The following TMEM178B variants were observed in gnomAD, a reference collection of about 807,000 sequenced individuals.
The protein encoded by TMEM178B is transmembrane protein 178B.
Under a neutral mutation model 31.0 loss-of-function variants are expected in TMEM178B, and 5 were observed. That is an observed-to-expected ratio of 0.16 (90% CI 0.08 to 0.34). TMEM178B has a LOEUF of 0.34. Among genes scored for constraint, TMEM178B ranks in the 10% least tolerant of loss-of-function variants. The pLI, the probability that TMEM178B is intolerant of heterozygous loss-of-function variation, is 1.00. For missense variants in TMEM178B, 275 were observed against 400.3 expected (o/e 0.69, Z 2.67); for synonymous variants, 164 against 164.0 (o/e 1.00, Z 0.00).
chr7:141,500,697 C>T, the TMEM178B span, among the ~76,000 whole-genome samples: 1 of 152,152 alleles, frequency 6.6e-6, no homozygotes, highest in Non-Finnish European at 1.5e-5. Context: ...AGCTGGCCAG[C>T]CAAATTTAGT....
rs1015280522 is a variant in TMEM178B, at chr7:141,117,746, A to G, written c.382+43054A>G. 5.9e-5 allele frequency among the ~76,000 whole-genome samples: 9 copies of G among 152,198 alleles called. No homozygotes were observed. The East Asian group carries it at 1.2e-3, about 20-fold the overall frequency. ...TGCATATGGCTAGCCAGTTTTCCCA[A>G]TACCATTTATTAAATAGGGAATCCT... On this transcript the variant is annotated intron_variant, in intron 1 of 3. Transcript: ENST00000565468.
At chr7:141,381,046 A>G (rs1008623810) in intron 2 of TMEM178B, among the ~76,000 whole-genome samples, 1 of 152,214 alleles carries the variant, frequency 6.6e-6, no homozygotes, top group African/African-American at 2.4e-5. Context: ...CTGCCTACAC[A>G]GCATATTTTG....
intron 2 of TMEM178B, among the ~76,000 whole-genome samples, chr7:141,228,048 A>ACG (rs1264278153): frequency 6.6e-6 from 1 of 152,202 alleles, no homozygotes; most frequent in African/African-American, 2.4e-5. Context: ...GTACACACAC[A>ACG]CACACACACA....
chr7:141,108,317 G>GCATGGGATTTTC (rs1359748622), intron 1 of TMEM178B, among the ~76,000 whole-genome samples: 1 of 152,186 alleles, frequency 6.6e-6, no homozygotes, highest in Non-Finnish European at 1.5e-5. Context: ...AGGAAAATTT[G>GCATGGGATTTTC]CTGATATGGG....
At chr7:141,302,497 A>G (rs1303397487) in intron 2 of TMEM178B, among the ~76,000 whole-genome samples, 1 of 152,202 alleles carries the variant, frequency 6.6e-6, no homozygotes, top group Admixed American at 6.6e-5. Flanking sequence ...GCTGGGGGAA[A>G]GAGGGAATGG....
the TMEM178B span, among the ~76,000 whole-genome samples, chr7:141,496,663 C>G: frequency 1.7e-5 from 2 of 115,940 alleles, no homozygotes; most frequent in African/African-American, 5.1e-5. Flanking sequence ...GAGCGAGACT[C>G]CGTCTCAAAA....
At chr7:141,107,611 C>T (rs1049461427) in intron 1 of TMEM178B, among the ~76,000 whole-genome samples, 2 of 152,160 alleles carry the variant, frequency 1.3e-5, no homozygotes, top group African/African-American at 4.8e-5. Context: ...CATCAAGTAA[C>T]ATGGGCATTG....
At chr7:141,246,440 TA>T (rs1206319043) in intron 2 of TMEM178B, among the ~76,000 whole-genome samples, 1 of 152,184 alleles carries the variant, frequency 6.6e-6, no homozygotes, top group African/African-American at 2.4e-5. Flanking sequence ...GTCCATCCTC[TA>T]GGGGGTTGTA....
intron 2 of TMEM178B, among the ~76,000 whole-genome samples, chr7:141,389,296 T>A (rs1162857127): frequency 6.6e-6 from 1 of 152,236 alleles, no homozygotes; most frequent in Non-Finnish European, 1.5e-5. Context: ...AAAGGGTATC[T>A]GTTCTCTATT....
chr7:141,277,538 A>C (rs1049383568), intron 2 of TMEM178B, among the ~76,000 whole-genome samples: 1 of 152,106 alleles, frequency 6.6e-6, no homozygotes, highest in Non-Finnish European at 1.5e-5. Flanking sequence ...TTTACAGTTA[A>C]CTTTGTTTTC....
chr7:141,464,867 A>T (rs1356842795), intron 3 of TMEM178B, among the ~76,000 whole-genome samples: 1 of 152,154 alleles, frequency 6.6e-6, no homozygotes, highest in Non-Finnish European at 1.5e-5. Flanking sequence ...GGCACTGCTT[A>T]CAGCCAGTGT....
At chr7:141,379,418 G>A (rs989450755) in intron 2 of TMEM178B, among the ~76,000 whole-genome samples, 6 of 152,144 alleles carry the variant, frequency 3.9e-5, no homozygotes, top group African/African-American at 1.2e-4. Flanking sequence ...TCAGGAGGCC[G>A]AAGCCGCAGT....
intron 2 of TMEM178B, among the ~76,000 whole-genome samples, chr7:141,281,277 C>T (rs919754898): frequency 3.3e-5 from 5 of 152,158 alleles, no homozygotes; most frequent in African/African-American, 1.2e-4. Flanking sequence ...GATAGGCTTG[C>T]TCTTCTGGTG....
At chr7:141,431,673 G>T (rs986021158) in intron 2 of TMEM178B, among the ~76,000 whole-genome samples, 3 of 152,102 alleles carry the variant, frequency 2.0e-5, no homozygotes, top group Non-Finnish European at 4.4e-5. Context: ...CTTTCCAGGG[G>T]GATTATTCTT....
At chr7:141,152,563 T>G (rs1010832592) in intron 1 of TMEM178B, among the ~76,000 whole-genome samples, 1 of 152,242 alleles carries the variant, frequency 6.6e-6, no homozygotes, top group Non-Finnish European at 1.5e-5. Context: ...CTGACTGGGA[T>G]ACTTAGGAGG....
chr7:141,320,699 T>G (rs1799083042), intron 2 of TMEM178B, among the ~76,000 whole-genome samples: 1 of 152,232 alleles, frequency 6.6e-6, no homozygotes. Flanking sequence ...TGTTAAGTAT[T>G]TTGGATATTG....
At chr7:141,343,726 T>G (rs1204159320) in intron 2 of TMEM178B, among the ~76,000 whole-genome samples, 3 of 152,076 alleles carry the variant, frequency 2.0e-5, no homozygotes, top group African/African-American at 7.2e-5. Context: ...ATTTTTTATA[T>G]TTTTAGTAGA....
chr7:141,234,259 A>T (rs2129192186), intron 2 of TMEM178B, among the ~76,000 whole-genome samples: 1 of 152,356 alleles, frequency 6.6e-6, no homozygotes, highest in South Asian at 2.1e-4. Flanking sequence ...GGCAAATCAA[A>T]TGCCATGAAA....
chr7:141,093,787 G>T (rs7810683), intron 1 of TMEM178B, among the ~76,000 whole-genome samples: 1 of 152,116 alleles, frequency 6.6e-6, no homozygotes, highest in Non-Finnish European at 1.5e-5. Context: ...AGTGGTCACC[G>T]CTGTGAAGTG....
Sources: gnomAD v4.1 joint callset for allele counts (sites outside exome capture counted in the v4.1 genomes callset) on GRCh38, gnomAD v4.1.1 for gene constraint, MANE v1.5 for transcripts, NCBI Gene and HGNC (gene_info 2026-07-23, HGNC 2026-07-21) for gene names.